DRC11: variants seen among roughly 807,000 people sequenced by gnomAD.
DRC11 encodes dynein regulatory complex subunit 11.
the DRC11 span, chr2:236,503,536 T>C: frequency 1.7e-6 from 2 of 1,196,820 alleles, no homozygotes; most frequent in Non-Finnish European, 2.4e-6. This position sits in a 1 kb window ranked among gnomAD's most constrained non-coding sequence, Gnocchi z 4.9. Flanking sequence ...CTGCAGTCTG[T>C]CTGGGGAATC....
chr2:236,357,261 T>C, the DRC11 span, among the ~76,000 whole-genome samples: 1 of 87,630 alleles, frequency 1.1e-5, no homozygotes, highest in Non-Finnish European at 2.0e-5. Flanking sequence ...TATCTATATA[T>C]TATAAATATA....
At chr2:236,335,722 T>C in the DRC11 span, among the ~76,000 whole-genome samples, 21 of 152,262 alleles carry the variant, frequency 1.4e-4, no homozygotes, top group South Asian at 2.7e-3. This position sits in a 1 kb window ranked among gnomAD's most constrained non-coding sequence, Gnocchi z 5.6. Context: ...CCCTACCTTA[T>C]TCCATTAACA....
At chr2:236,340,371 G>A in the DRC11 span, among the ~76,000 whole-genome samples, 14 of 152,276 alleles carry the variant, frequency 9.2e-5, no homozygotes, top group Middle Eastern at 3.4e-3. Context: ...TGATCTGCCC[G>A]CTTCGGCCTC....
chr2:236,320,660 A>C, the DRC11 span, among the ~76,000 whole-genome samples: 1 of 152,250 alleles, frequency 6.6e-6, no homozygotes, highest in East Asian at 1.9e-4. Flanking sequence ...CACTTTAATC[A>C]GACTCCATCC....
the DRC11 span, among the ~76,000 whole-genome samples, chr2:236,486,500 G>C: frequency 6.6e-6 from 1 of 150,602 alleles, no homozygotes; most frequent in East Asian, 1.9e-4. The surrounding 1 kb of genome is among the most constrained non-coding windows in gnomAD (Gnocchi z 5.7). Context: ...AAAGCCAGCT[G>C]TATCAATGCA....
the DRC11 span, among the ~76,000 whole-genome samples, chr2:236,342,722 T>G: frequency 6.6e-6 from 1 of 152,154 alleles, no homozygotes; most frequent in East Asian, 1.9e-4. This position sits in a 1 kb window ranked among gnomAD's most constrained non-coding sequence, Gnocchi z 5.8. Flanking sequence ...GTGGAAATAC[T>G]GGGGGTGGGA....
chr2:236,322,777 C>T, the DRC11 span, among the ~76,000 whole-genome samples: 1 of 152,204 alleles, frequency 6.6e-6, no homozygotes, highest in African/African-American at 2.4e-5. Context: ...ATCAGTCACA[C>T]CAGCCATGTG....
the DRC11 span, among the ~76,000 whole-genome samples, chr2:236,401,186 C>T: frequency 6.6e-6 from 1 of 152,172 alleles, no homozygotes; most frequent in Non-Finnish European, 1.5e-5. The surrounding 1 kb of genome is among the most constrained non-coding windows in gnomAD (Gnocchi z 4.6). Flanking sequence ...GGGGCCTTTG[C>T]CCTTGCCGCC....
At chr2:236,454,101 G>A in the DRC11 span, among the ~76,000 whole-genome samples, 2 of 152,262 alleles carry the variant, frequency 1.3e-5, no homozygotes, top group Middle Eastern at 3.4e-3. The surrounding 1 kb of genome is among the most constrained non-coding windows in gnomAD (Gnocchi z 5.3). Flanking sequence ...ATTCCAGTGG[G>A]ATGGACAGAA....
the DRC11 span, among the ~76,000 whole-genome samples, chr2:236,441,686 T>TTA: frequency 6.6e-6 from 1 of 152,200 alleles, no homozygotes; most frequent in Non-Finnish European, 1.5e-5. Context: ...GGTAGACAGA[T>TTA]AGTATTCTTA....
chr2:236,318,505 G>T, the DRC11 span, among the ~76,000 whole-genome samples: 1 of 152,208 alleles, frequency 6.6e-6, no homozygotes, highest in South Asian at 2.1e-4. The surrounding 1 kb of genome is among the most constrained non-coding windows in gnomAD (Gnocchi z 7.0). Context: ...GTGTATCTGT[G>T]TATGTGTGTT....
the DRC11 span, among the ~76,000 whole-genome samples, chr2:236,343,938 T>C: frequency 6.6e-6 from 1 of 152,220 alleles, no homozygotes; most frequent in South Asian, 2.1e-4. This position sits in a 1 kb window ranked among gnomAD's most constrained non-coding sequence, Gnocchi z 6.6. Context: ...TTAAAATCCT[T>C]ATGAATTTAA....
the DRC11 span, among the ~76,000 whole-genome samples, chr2:236,496,675 T>G: frequency 2.6e-4 from 40 of 152,220 alleles, 1 homozygote; most frequent in South Asian, 8.1e-3. The surrounding 1 kb of genome is among the most constrained non-coding windows in gnomAD (Gnocchi z 6.3). Flanking sequence ...TCCTTTGATG[T>G]CTGAGGCCCA....
the DRC11 span, among the ~76,000 whole-genome samples, chr2:236,372,369 T>C: frequency 6.6e-6 from 1 of 152,234 alleles, no homozygotes; most frequent in Non-Finnish European, 1.5e-5. The surrounding 1 kb of genome is among the most constrained non-coding windows in gnomAD (Gnocchi z 4.5). Context: ...TTGATGAATC[T>C]GATTTTTTCT....
chr2:236,323,305 TCAGGCCACC>T, the DRC11 span, among the ~76,000 whole-genome samples: 1 of 152,144 alleles, frequency 6.6e-6, no homozygotes, highest in Non-Finnish European at 1.5e-5. The surrounding 1 kb of genome is among the most constrained non-coding windows in gnomAD (Gnocchi z 6.4). Context: ...CTGCCATTTC[TCAGGCCACC>T]CTGGGCTTTG....
At chr2:236,456,433 A>G in the DRC11 span, among the ~76,000 whole-genome samples, 1 of 152,060 alleles carries the variant, frequency 6.6e-6, no homozygotes, top group African/African-American at 2.4e-5. This position sits in a 1 kb window ranked among gnomAD's most constrained non-coding sequence, Gnocchi z 5.4. Context: ...GCATTTGTTG[A>G]TTAGAGATGC....
At chr2:236,333,929 A>G in the DRC11 span, among the ~76,000 whole-genome samples, 855 of 152,352 alleles carry the variant, frequency 5.6e-3, 10 homozygotes, top group African/African-American at 0.019. This position sits in a 1 kb window ranked among gnomAD's most constrained non-coding sequence, Gnocchi z 6.0. Flanking sequence ...AGTGAGACCA[A>G]CAAGGGCCAG....
chr2:236,357,090 TTA>T, the DRC11 span, among the ~76,000 whole-genome samples: 19 of 43,190 alleles, frequency 4.4e-4, no homozygotes, highest in East Asian at 4.2e-3. Context: ...TCTATATATT[TTA>T]TATATTCGTA....
At chr2:236,338,598 C>T in the DRC11 span, among the ~76,000 whole-genome samples, 1 of 152,176 alleles carries the variant, frequency 6.6e-6, no homozygotes, top group Non-Finnish European at 1.5e-5. Context: ...TTTCCTCAAC[C>T]TCTGGTGTCC....
Sources: gnomAD v4.1 joint callset for allele counts (sites outside exome capture counted in the v4.1 genomes callset) on GRCh38, gnomAD v4.1.1 for gene constraint, Gnocchi (gnomAD v3.1) non-coding constraint, MANE v1.5 for transcripts, NCBI Gene and HGNC (gene_info 2026-07-23, HGNC 2026-07-21) for gene names.